CASP14: variants seen among roughly 807,000 people sequenced by gnomAD.
The protein encoded by CASP14 is caspase-14.
CASP14 carries 27 observed loss-of-function variants against 28.4 expected under a neutral mutation model. That is an observed-to-expected ratio of 0.95 (90% CI 0.70 to 1.31). The LOEUF is 1.31. Among genes scored for constraint, CASP14 ranks in the 50% most tolerant of loss-of-function variants. CASP14 has a pLI of 0.00. For missense variants in CASP14, 323 were observed against 312.8 expected, an observed-to-expected ratio of 1.03 and a Z score of -0.25; for synonymous variants, 115 against 118.6, an observed-to-expected ratio of 0.97 and a Z score of 0.20.
intron 4 of CASP14, 146 bp downstream of exon 4, chr19:15,054,104 C>A (rs1356438424): frequency 3.0e-6 from 2 of 674,138 alleles, no homozygotes; most frequent in Non-Finnish European, 5.0e-6. Flanking sequence ...CCTGCCTCAG[C>A]CTCCTGAGTA....
rs202004752 is a variant in CASP14 at position 15,056,089 on chromosome 19, G to C, written c.729G>C (p.Ter243TyrextTer2). 6.3e-7 allele frequency: 1 copy of C among 1,585,380 alleles called. No homozygotes were observed. The highest frequency in any genetic ancestry group is 1.1e-5 in the South Asian group (1 of 87,328). ...STLRKRLYLQ[*>Y] ...TCCGGAAACGGCTGTATCTGCAGTA[G>C]AAGTAGAAAGACCAGGAGGAGCTTT... The change falls in exon 7 of 7, where the codon TAG becomes TAC. Residue 243 changes from the stop codon to tyrosine, a stop_lost. Transcript: ENST00000427043.
chr19:15,055,331 C>T, intron 5 of CASP14, 57 bp downstream of exon 5: 1 of 1,561,868 alleles, frequency 6.4e-7, no homozygotes, highest in Non-Finnish European at 8.8e-7. Flanking sequence ...TCCTGCCACT[C>T]CCAACTCCTG....
At chr19:15,051,682 A>C (rs1541405) in intron 1 of CASP14, among the ~76,000 whole-genome samples, 2 of 152,114 alleles carry the variant, frequency 1.3e-5, no homozygotes, top group Non-Finnish European at 1.5e-5. Context: ...AAGGAAGAGC[A>C]AGGGAGGTGG....
rs757937137 is a variant in CASP14, at chr19:15,056,350, C to T, written c.*261C>T. On this transcript the variant is annotated 3_prime_UTR_variant, in exon 7 of 7. Coordinates refer to ENST00000427043, the MANE Select transcript of CASP14 (RefSeq NM_012114.3). ...ATCTTTATTAATGCAACCGAAGAGA[C>T]CTAAGAGTGCATTCACTTATCCCAC... 36 of 338,474 alleles carry T rather than the reference C, an allele frequency of 1.1e-4. No homozygotes were observed. Among genetic ancestry groups the T allele is most frequent in the Non-Finnish European group, 1.9e-4 (33 of 174,284 alleles). 21.0% of individuals were successfully genotyped at this position (338,474 alleles called of 1,614,324 possible). A position where few individuals can be genotyped will look rare whatever the true frequency, so the allele number is the denominator to read the frequency against.
chr19:15,053,489 A>T lies in CASP14; in HGVS notation c.35A>T (p.Tyr12Phe). 1 of 1,614,030 alleles carries T rather than the reference A, an allele frequency of 6.2e-7. No individual in the cohort carries two copies. The highest frequency in any genetic ancestry group is 8.5e-7 in the Non-Finnish European group (1 of 1,179,998). Residue 12 changes from tyrosine (Y) to phenylalanine (F), a missense_variant, in exon 3 of 7, where the codon TAT becomes TTT. By Grantham distance (22) the Tyr-to-Phe change is conservative. Coordinates refer to ENST00000427043, the MANE Select transcript of CASP14 (RefSeq NM_012114.3). ...SNPRSLEEEK[Y>F]DMSGARLALI... ...GTCTTCTCTTGGCCCCAGGAGAAAT[A>T]TGATATGTCAGGTGCCCGCCTGGCC...
chr19:15,050,974 A>C (rs1051934432), intron 1 of CASP14, among the ~76,000 whole-genome samples: 12 of 151,876 alleles, frequency 7.9e-5, no homozygotes, highest in Non-Finnish European at 4.4e-5. Context: ...GGATGGGATG[A>C]CTGATTAATA....
In CASP14 at chr19:15,058,233, C is replaced by T. The variant is rs1242831326; in HGVS notation, c.*2144C>T. ...GCTGGAAATGACCACTTCTGGAGGG[C>T]AGGGAACAAGCCCTTAATCTGCATA... On this transcript the variant is annotated 3_prime_UTR_variant, in exon 7 of 7. Transcript: ENST00000427043. 1.3e-5 allele frequency: 2 copies of T among 152,320 alleles called. No individual in the cohort carries two copies. Among genetic ancestry groups the T allele is most frequent in the East Asian group, 1.9e-4 (1 of 5,192 alleles). The allele number at this position is 152,320 out of a possible 1,614,324, so 9.4% of individuals were successfully genotyped here. A position where few individuals can be genotyped will look rare whatever the true frequency, so the allele number is the denominator to read the frequency against.
chr19:15,056,282 A>G lies in CASP14; in HGVS notation c.*193A>G. ...AGCCAGCCAAAACTTAGCACAAGGC[A>G]TGGTGGCAACATTAACATCACCTCC... On this transcript the variant is annotated 3_prime_UTR_variant, in exon 7 of 7. Coordinates refer to ENST00000427043, the MANE Select transcript of CASP14 (RefSeq NM_012114.3). The G allele has an allele frequency of 2.0e-6, 1 of 501,810 alleles. No individual in the cohort carries two copies. The highest frequency in any genetic ancestry group is 3.2e-5 in the Admixed American group (1 of 30,806). The allele number at this position is 501,810 out of a possible 1,614,324, so 31.1% of individuals were successfully genotyped here.
chr19:15,056,200 A>T lies in CASP14; in HGVS notation c.*111A>T. The T allele has an allele frequency of 1.2e-6, 1 of 839,106 alleles. No homozygotes were observed. The highest frequency in any genetic ancestry group is 1.9e-6 in the Non-Finnish European group (1 of 522,184). The allele number at this position is 839,106 out of a possible 1,614,324, so 52.0% of individuals were successfully genotyped here. A position where few individuals can be genotyped will look rare whatever the true frequency, so the allele number is the denominator to read the frequency against. On this transcript the variant is annotated 3_prime_UTR_variant, in exon 7 of 7. Coordinates refer to ENST00000427043, the MANE Select transcript of CASP14 (RefSeq NM_012114.3). ...TCTTCTGTTCCCAAGGCCAAATGGC[A>T]CCCAGTTTCTTTTCCATCACACCCT... is the stretch of plus-strand genomic sequence containing the variant.
rs531516797 is a variant in CASP14 at position 15,055,267 on chromosome 19, G to A, written c.513G>A (p.Thr171=). ...TYTDALHVYS[T]VEGYIAYRHD... ...CAGATGCCTTGCACGTTTATTCCAC[G>A]GTAGAGGGTATGAGCTCCCAGCTGG... The change falls in exon 5 of 7, where the codon ACG becomes ACA. Residue 171 remains threonine (T), a synonymous_variant. Transcript: ENST00000427043. 29 of 1,613,290 alleles carry A rather than the reference G, an allele frequency of 1.8e-5. No homozygotes were observed. Among genetic ancestry groups the A allele is most frequent in the Non-Finnish European group, 2.0e-5 (24 of 1,179,402 alleles).
At chr19:15,055,074 G>T (rs2046109530) in intron 4 of CASP14, 84 bp from the exon 5 acceptor site, 3 of 1,000,880 alleles carry the variant, frequency 3.0e-6, no homozygotes, top group Admixed American at 3.6e-5. Flanking sequence ...CAAAACACTG[G>T]GAATACAGGT....
rs2046103690 is a variant in CASP14, at chr19:15,053,891, GAAC to G, written c.342_344del (p.Asn114del). 7.4e-6 allele frequency: 12 copies of G among 1,614,006 alleles called. No individual in the cohort carries two copies. Among genetic ancestry groups the G allele is most frequent in the Non-Finnish European group, 9.3e-6 (11 of 1,180,022 alleles). On this transcript the variant is annotated inframe_deletion, in exon 4 of 7. Coordinates refer to ENST00000427043, the MANE Select transcript of CASP14 (RefSeq NM_012114.3). ...AGCTGGAGAATCTCTTCGAGGCCCT[GAAC>G]AACAAGAACTGCCAGGCCCTGCGAG...
chr19:15,049,697 TCACACACACACACA>T (rs57428334), intron 1 of CASP14, 52 bp downstream of exon 1: 3 of 104,504 alleles, frequency 2.9e-5, no homozygotes, highest in African/African-American at 1.1e-4. Context: ...TCTCTCTCTC[TCACACACACACACA>T]CACACACACA....
chr19:15,053,554 GA>G lies in CASP14; in HGVS notation c.102del (p.Asp35ThrfsTer12). 6.2e-7 allele frequency: 1 copy of G among 1,614,168 alleles called. No homozygotes were observed. Among genetic ancestry groups the G allele is most frequent in the Non-Finnish European group, 8.5e-7 (1 of 1,180,032 alleles). On this transcript the variant is annotated frameshift_variant, in exon 3 of 7. Coordinates refer to ENST00000427043, the MANE Select transcript of CASP14 (RefSeq NM_012114.3). LOFTEE classifies it high-confidence loss of function. Reference protein sequence around the residue: ...CVTKAREGSEEDLDALEHMFR... With the variant: ...CVTKAREGSEXDLDALEHMFR... ...CACCAAAGCCCGGGAAGGTTCCGAA[GA>G]AGACCTGGATGCTCTGGAACACATG...
chr19:15,054,379 A>G (rs2145282669), intron 4 of CASP14, among the ~76,000 whole-genome samples: 1 of 152,296 alleles, frequency 6.6e-6, no homozygotes, highest in African/African-American at 2.4e-5. Flanking sequence ...GGAGTTCAAG[A>G]CTAGCGTCGA....
At chr19:15,055,407 AC>A in intron 5 of CASP14, 22 bp from the exon 6 acceptor site, 1 of 1,609,866 alleles carries the variant, frequency 6.2e-7, no homozygotes, top group South Asian at 1.1e-5. Flanking sequence ...GCTCCCCCGA[AC>A]CCACCTCTCT....
At position 15,053,877 on chromosome 19, in the gene CASP14, C is replaced by T. The variant is rs372381877; in HGVS notation, c.322C>T (p.Leu108Phe). The change falls in exon 4 of 7, where the codon CTC becomes TTC. Residue 108 changes from leucine (L) to phenylalanine (F), a missense_variant. Coordinates refer to ENST00000427043, the MANE Select transcript of CASP14 (RefSeq NM_012114.3). ...TGGGGAGATGGTCAAGCTGGAGAAT[C>T]TCTTCGAGGCCCTGAACAACAAGAA... The part of the protein sequence containing the change: ...EDGEMVKLEN[L>F]FEALNNKNCQ... 6.2e-7 allele frequency: 1 copy of T among 1,614,154 alleles called. No individual in the cohort carries two copies. Among genetic ancestry groups the T allele is most frequent in the South Asian group, 1.1e-5 (1 of 91,078 alleles).
At chr19:15,052,636 C>T (rs1600067938) in intron 2 of CASP14, among the ~76,000 whole-genome samples, 2 of 152,256 alleles carry the variant, frequency 1.3e-5, no homozygotes, top group East Asian at 1.9e-4. Context: ...AACTGTTGAC[C>T]CCCAATATTC....
rs780351663 is a variant in CASP14, at chr19:15,053,959, G to T, written c.403+1G>T. On this transcript the variant is annotated splice_donor_variant, in intron 4 of 6. Coordinates refer to ENST00000427043, the MANE Select transcript of CASP14 (RefSeq NM_012114.3). LOFTEE classifies it high-confidence loss of function. ...TACATCATACAGGCCTGTCGAGGAG[G>T]TGGGGACAGATCCAAGAGCACAGAG... The T allele has an allele frequency of 6.2e-7, 1 of 1,611,132 alleles. No individual in the cohort carries two copies. Among genetic ancestry groups the T allele is most frequent in the African/African-American group, 1.3e-5 (1 of 74,870 alleles).
Sources: allele counts gnomAD v4.1 joint callset (sites outside exome capture counted in the v4.1 genomes callset), GRCh38; gene constraint gnomAD v4.1.1; transcripts MANE v1.5; gene names NCBI Gene and HGNC (gene_info 2026-07-23, HGNC 2026-07-21).